The following BICC1 variants were observed in gnomAD, a reference collection of about 807,000 sequenced individuals.
The protein encoded by BICC1 is protein bicaudal C homolog 1.
In BICC1, 43 loss-of-function variants were observed where a neutral mutation model predicts 111.0. The observed-to-expected ratio is 0.39, with a 90% confidence interval of 0.30 to 0.50. The LOEUF is 0.50. Among genes scored for constraint, BICC1 ranks in the 20% least tolerant of loss-of-function variants. The probability of loss-of-function intolerance (pLI) is 0.88; values close to 1 mark genes in which losing one functional copy is unlikely to be tolerated. For missense variants in BICC1, 1,091 were observed against 1,203.2 expected (o/e 0.91, Z 1.38); for synonymous variants, 467 against 434.4 (o/e 1.07, Z -0.93).
intron 1 of BICC1, among the ~76,000 whole-genome samples, chr10:58,610,400 A>C (rs1845378202): frequency 6.6e-6 from 1 of 152,170 alleles, no homozygotes; most frequent in Non-Finnish European, 1.5e-5. Context: ...AAGTGTGTGT[A>C]ATCTGCAGAG....
chr10:58,549,330 T>C (rs1295012770), intron 1 of BICC1, among the ~76,000 whole-genome samples: 5 of 152,192 alleles, frequency 3.3e-5, no homozygotes, highest in African/African-American at 4.8e-5. Context: ...TATTATATGA[T>C]AGAGACTGTG....
chr10:58,592,942 T>C (rs2132045431), intron 1 of BICC1, among the ~76,000 whole-genome samples: 1 of 140,034 alleles, frequency 7.1e-6, no homozygotes, highest in East Asian at 2.1e-4. Flanking sequence ...GCTCGGTGGG[T>C]CTTACCCTGA....
At chr10:58,710,443 T>A (rs1484553394) in intron 3 of BICC1, among the ~76,000 whole-genome samples, 2 of 152,172 alleles carry the variant, frequency 1.3e-5, no homozygotes, top group Admixed American at 6.5e-5. Context: ...ATTACAGAGA[T>A]TACAGAGATT....
At chr10:58,536,010 A>G in intron 1 of BICC1, among the ~76,000 whole-genome samples, 1 of 151,798 alleles carries the variant, frequency 6.6e-6, no homozygotes, top group Non-Finnish European at 1.5e-5. Flanking sequence ...AAAAGGATCC[A>G]ATTCATGAAG....
chr10:58,586,613 T>C (rs1417416969), intron 1 of BICC1, among the ~76,000 whole-genome samples: 1 of 62,526 alleles, frequency 1.6e-5, no homozygotes, highest in African/African-American at 6.0e-5. Flanking sequence ...AGACTCACTC[T>C]CTCTCAAAAA....
At chr10:58,569,162 A>G (rs574352734) in intron 1 of BICC1, among the ~76,000 whole-genome samples, 7 of 152,308 alleles carry the variant, frequency 4.6e-5, no homozygotes, top group African/African-American at 1.4e-4. Context: ...TGAAAGGGAG[A>G]AAACAGCACT....
chr10:58,567,759 A>G (rs1040907967), intron 1 of BICC1, among the ~76,000 whole-genome samples: 1 of 152,008 alleles, frequency 6.6e-6, no homozygotes, highest in African/African-American at 2.4e-5. Flanking sequence ...ATAATATAGC[A>G]TTTATAAAGT....
chr10:58,548,905 G>C (rs1236551741), intron 1 of BICC1, among the ~76,000 whole-genome samples: 1 of 152,052 alleles, frequency 6.6e-6, no homozygotes, highest in Non-Finnish European at 1.5e-5. Context: ...TGTCACCCAG[G>C]CTGGAGTGCA....
At chr10:58,679,888 G>A (rs1236047725) in intron 2 of BICC1, among the ~76,000 whole-genome samples, 1 of 152,136 alleles carries the variant, frequency 6.6e-6, no homozygotes, top group Non-Finnish European at 1.5e-5. Context: ...TTCAACATAT[G>A]CAAATCAATA....
intron 3 of BICC1, among the ~76,000 whole-genome samples, chr10:58,717,357 T>TA (rs1162061082): frequency 0.05 from 152 of 3,030 alleles, no homozygotes; most frequent in Non-Finnish European, 0.099. Context: ...GGGTTTTGAT[T>TA]AAAAAAAAAA....
chr10:58,582,294 A>G (rs1248176624), intron 1 of BICC1, among the ~76,000 whole-genome samples: 1 of 152,200 alleles, frequency 6.6e-6, no homozygotes, highest in Non-Finnish European at 1.5e-5. Context: ...AGTTTTCTAC[A>G]TTCTTACTAA....
At chr10:58,577,965 A>T (rs1844160779) in intron 1 of BICC1, among the ~76,000 whole-genome samples, 1 of 152,144 alleles carries the variant, frequency 6.6e-6, no homozygotes, top group Admixed American at 6.5e-5. Flanking sequence ...TCTTTCTTAA[A>T]TTTTTAATTA....
intron 2 of BICC1, among the ~76,000 whole-genome samples, chr10:58,688,273 G>A: frequency 6.6e-6 from 1 of 152,054 alleles, no homozygotes; most frequent in East Asian, 1.9e-4. Context: ...CCTGCTGATT[G>A]GTCCATTTCA....
chr10:58,554,299 C>G (rs749287173), intron 1 of BICC1, among the ~76,000 whole-genome samples: 1 of 152,194 alleles, frequency 6.6e-6, no homozygotes, highest in East Asian at 1.9e-4. Flanking sequence ...GTTTTATTGT[C>G]GAACCCTGAG....
intron 3 of BICC1, among the ~76,000 whole-genome samples, chr10:58,712,024 A>G (rs1840591743): frequency 6.6e-6 from 1 of 152,204 alleles, no homozygotes; most frequent in Admixed American, 6.5e-5. Flanking sequence ...AAACAACCTG[A>G]TTTTAAAAGT....
At chr10:58,729,230 G>T (rs1036338698) in intron 3 of BICC1, among the ~76,000 whole-genome samples, 4 of 152,134 alleles carry the variant, frequency 2.6e-5, no homozygotes, top group African/African-American at 9.7e-5. Flanking sequence ...AAAATTTGTT[G>T]TTCAGTGTAG....
At position 58,786,981 on chromosome 10, in the gene BICC1, G is replaced by C. The variant is rs201025528; in HGVS notation, c.446G>C (p.Gly149Ala). ...VSHTEHSHVI[G>A]KGGNNIKKVM... ...CATACAGAACATTCACATGTAATCG[G>C]CAAAGGTGGCAACAATATTAAAAAA... The change falls in exon 5 of 21, where the codon GGC (glycine) becomes GCC (alanine). Residue 149 changes from glycine (G) to alanine (A), a missense_variant. Coordinates refer to ENST00000373886, the MANE Select transcript of BICC1 (RefSeq NM_001080512.3). The C allele has an allele frequency of 6.2e-7, 1 of 1,609,846 alleles. No homozygotes were observed. The highest frequency in any genetic ancestry group is 8.5e-7 in the Non-Finnish European group (1 of 1,178,378).
At chr10:58,550,269 A>G (rs1293078557) in intron 1 of BICC1, among the ~76,000 whole-genome samples, 1 of 151,852 alleles carries the variant, frequency 6.6e-6, no homozygotes, top group Non-Finnish European at 1.5e-5. Context: ...CAGTCCTCCC[A>G]CCTCAGTCTC....
At chr10:58,586,618 CAAA>C (rs5785327) in intron 1 of BICC1, among the ~76,000 whole-genome samples, 12 of 133,524 alleles carry the variant, frequency 9.0e-5, no homozygotes, top group Non-Finnish European at 1.1e-4. Flanking sequence ...CACTCTCTCT[CAAA>C]AAAAAAAAAA....
Sources: gnomAD v4.1 joint callset for allele counts (sites outside exome capture counted in the v4.1 genomes callset) on GRCh38, gnomAD v4.1.1 for gene constraint, MANE v1.5 for transcripts, NCBI Gene and HGNC (gene_info 2026-07-23, HGNC 2026-07-21) for gene names.